CAMK4: variants seen among roughly 807,000 people sequenced by gnomAD.
CAMK4 encodes calcium/calmodulin-dependent protein kinase type IV.
Under a neutral mutation model 44.9 loss-of-function variants are expected in CAMK4, and 22 were observed. That is an observed-to-expected ratio of 0.49 (90% CI 0.35 to 0.70). The LOEUF (loss-of-function observed/expected upper bound fraction) is 0.70, where lower values mean the gene tolerates loss of function less well. Ranked by LOEUF, CAMK4 falls within the 30% of genes least tolerant of loss-of-function variation. The probability of loss-of-function intolerance (pLI) is 0.01; values close to 1 mark genes in which losing one functional copy is unlikely to be tolerated. For synonymous variants in CAMK4, 218 were observed against 215.4 expected (o/e 1.01, Z -0.11); for missense variants, 498 against 586.8 (o/e 0.85, Z 1.56).
chr5:111,297,636 C>T (rs976647632), intron 1 of CAMK4, among the ~76,000 whole-genome samples: 5 of 152,112 alleles, frequency 3.3e-5, no homozygotes, highest in African/African-American at 1.2e-4. Flanking sequence ...TTTAAATTTT[C>T]CACTGGAGGC....
At chr5:111,481,851 A>C (rs1371196480) in intron 9 of CAMK4, 1 of 152,246 alleles carries the variant, frequency 6.6e-6, no homozygotes, top group African/African-American at 2.4e-5. Context: ...AAAAGATTAC[A>C]TGAGTTTTTA....
At chr5:111,249,646 G>A (rs192762240) in intron 1 of CAMK4, among the ~76,000 whole-genome samples, 1,435 of 110,212 alleles carry the variant, frequency 0.013, 20 homozygotes, top group African/African-American at 0.032. Context: ...ATATATATAT[G>A]TGTGTGTGTG....
intron 1 of CAMK4, among the ~76,000 whole-genome samples, chr5:111,262,585 A>G (rs986205456): frequency 5.3e-5 from 8 of 152,306 alleles, no homozygotes; most frequent in African/African-American, 1.9e-4. Context: ...AATCAATCTG[A>G]GGGGGATTTT....
rs1341744127 is a variant in CAMK4 at position 111,280,195 on chromosome 5, T to C, written c.161+55551T>C. Among the ~76,000 whole-genome samples, 3 of 151,736 alleles carry C rather than the reference T, an allele frequency of 2.0e-5. No individual in the cohort carries two copies. In the East Asian group the frequency reaches 5.8e-4, roughly 29 times the overall value. On this transcript the variant is annotated intron_variant, in intron 1 of 10. Transcript: ENST00000282356. Reference sequence around the variant, plus strand: ...CCAGGCATCACAGTAAGAGGGATTATTTTGAAACAGAACAAGCTTTTAAAT... The same window carrying C: ...CCAGGCATCACAGTAAGAGGGATTACTTTGAAACAGAACAAGCTTTTAAAT...
rs756802657 is a variant in CAMK4 at position 111,488,690 on chromosome 5, TAGTA to T, written c.*4227_*4230del. On this transcript the variant is annotated 3_prime_UTR_variant, in exon 11 of 11. Coordinates refer to ENST00000282356, the MANE Select transcript of CAMK4 (RefSeq NM_001744.6). ...TGCCAGAAAAGGCAAAGGATAAACT[TAGTA>T]AGCCATTTATTTTGTTTTAGAATTG... The T allele has an allele frequency of 6.6e-6, 1 of 152,208 alleles. No individual in the cohort carries two copies. Among genetic ancestry groups the T allele is most frequent in the African/African-American group, 2.4e-5 (1 of 41,454 alleles). The allele number at this position is 152,208 out of a possible 1,614,324, so 9.4% of individuals were successfully genotyped here. A position where few individuals can be genotyped will look rare whatever the true frequency, so the allele number is the denominator to read the frequency against.
intron 5 of CAMK4, among the ~76,000 whole-genome samples, chr5:111,436,968 AT>A (rs1227145660): frequency 5.9e-5 from 9 of 152,220 alleles, no homozygotes; most frequent in African/African-American, 2.2e-4. Context: ...ACAAAAATGA[AT>A]TAGGTAATGG....
intron 5 of CAMK4, among the ~76,000 whole-genome samples, chr5:111,426,851 T>C (rs1246228647): frequency 1.3e-5 from 2 of 152,198 alleles, no homozygotes; most frequent in Non-Finnish European, 2.9e-5. Context: ...TGGTCTGAAC[T>C]TGAGTTTCCA....
chr5:111,318,054 T>A (rs1441167759), intron 1 of CAMK4, among the ~76,000 whole-genome samples: 2 of 151,824 alleles, frequency 1.3e-5, no homozygotes, highest in Non-Finnish European at 2.9e-5. Context: ...ACAAGTTGCT[T>A]AATCCCTTTA....
intron 1 of CAMK4, among the ~76,000 whole-genome samples, chr5:111,321,906 A>G (rs989969488): frequency 8.5e-5 from 13 of 152,068 alleles, no homozygotes; most frequent in African/African-American, 3.1e-4. Flanking sequence ...TTTTCAATTT[A>G]CTCTTAATAA....
chr5:111,342,056 G>A (rs1749669648), intron 1 of CAMK4, among the ~76,000 whole-genome samples: 1 of 151,426 alleles, frequency 6.6e-6, no homozygotes, highest in Non-Finnish European at 1.5e-5. Context: ...TAAAGTATGT[G>A]AGTCCTATAA....
chr5:111,344,867 C>T (rs1463674814), intron 2 of CAMK4, among the ~76,000 whole-genome samples: 1 of 151,726 alleles, frequency 6.6e-6, no homozygotes, highest in African/African-American at 2.4e-5. Context: ...TTTTAATGCC[C>T]TACTTGGATT....
Position 111,394,888 on chromosome 5 carries a change from A to T in CAMK4, c.459+106A>T, listed in dbSNP as rs1370899958. ...TGTGATAAGCCATACATTTTACAGC[A>T]TAAAGTTGTGAAATATTTATTAGAA... On this transcript the variant is annotated intron_variant, in intron 5 of 10. Transcript: ENST00000282356. 2.5e-5 allele frequency: 18 copies of T among 724,680 alleles called. 2 individuals are homozygous for T. In the South Asian group the frequency reaches 3.0e-4, roughly 12 times the overall value. The allele number at this position is 724,680 out of a possible 1,614,324, so 44.9% of individuals were successfully genotyped here. A position where few individuals can be genotyped will look rare whatever the true frequency, so the allele number is the denominator to read the frequency against.
chr5:111,224,376 C>A, upstream of CAMK4: 1 of 1,383,958 alleles, frequency 7.2e-7, no homozygotes, highest in Admixed American at 3.6e-5. This position sits in a 1 kb window ranked among gnomAD's most constrained non-coding sequence, Gnocchi z 5.7. Context: ...GCGTGAAGGA[C>A]GCCGCCTCTC....
chr5:111,365,616 G>A (rs1444008045), intron 2 of CAMK4, among the ~76,000 whole-genome samples: 1 of 152,036 alleles, frequency 6.6e-6, no homozygotes, highest in Admixed American at 6.6e-5. Flanking sequence ...TGGGATTTTG[G>A]AGGAAGAAGG....
At chr5:111,343,557 A>C (rs921295453) in intron 1 of CAMK4, among the ~76,000 whole-genome samples, 8 of 151,802 alleles carry the variant, frequency 5.3e-5, no homozygotes, top group African/African-American at 1.9e-4. Flanking sequence ...AAAAAGTAGG[A>C]GGGGTGTCCC....
chr5:111,382,386 G>A (rs1490656153), intron 4 of CAMK4, among the ~76,000 whole-genome samples: 1 of 152,074 alleles, frequency 6.6e-6, no homozygotes, highest in African/African-American at 2.4e-5. Flanking sequence ...CAGTCTTTCT[G>A]GAGTTGTAGT....
At chr5:111,428,249 C>A (rs1753303061) in intron 5 of CAMK4, among the ~76,000 whole-genome samples, 1 of 152,218 alleles carries the variant, frequency 6.6e-6, no homozygotes, top group African/African-American at 2.4e-5. Context: ...TGAAAAGATT[C>A]CTCAAGAAGA....
At chr5:111,359,928 C>A (rs529697961) in intron 2 of CAMK4, among the ~76,000 whole-genome samples, 98 of 152,080 alleles carry the variant, frequency 6.4e-4, no homozygotes, top group Non-Finnish European at 1.1e-3. Flanking sequence ...GTATATGATA[C>A]CTTTTATTGA....
chr5:111,351,506 A>G (rs534378252), intron 2 of CAMK4, among the ~76,000 whole-genome samples: 93 of 151,836 alleles, frequency 6.1e-4, no homozygotes, highest in African/African-American at 2.2e-3. Context: ...CCCAGGTTCA[A>G]GCGATTCTCC....
Sources: allele counts gnomAD v4.1 joint callset (sites outside exome capture counted in the v4.1 genomes callset), GRCh38; gene constraint gnomAD v4.1.1; non-coding constraint Gnocchi (gnomAD v3.1); transcripts MANE v1.5; gene names NCBI Gene and HGNC (gene_info 2026-07-23, HGNC 2026-07-21).